PLCB1: variants seen among roughly 807,000 people sequenced by gnomAD.
The protein encoded by PLCB1 is 1-phosphatidylinositol 4,5-bisphosphate phosphodiesterase beta-1.
Under a neutral mutation model 161.8 loss-of-function variants are expected in PLCB1, and 46 were observed. The ratio of observed to expected loss-of-function variants is 0.28; its 90% confidence interval spans 0.22 to 0.36. PLCB1 has a LOEUF of 0.36. Among genes scored for constraint, PLCB1 ranks in the 10% least tolerant of loss-of-function variants. The pLI, the probability that PLCB1 is intolerant of heterozygous loss-of-function variation, is 1.00. For missense variants in PLCB1, 1,016 were observed against 1,472.5 expected (o/e 0.69, Z 5.07); for synonymous variants, 517 against 503.7 (o/e 1.03, Z -0.35).
At chr20:8,644,727 C>T (rs1234117198) in intron 4 of PLCB1, among the ~76,000 whole-genome samples, 2 of 148,426 alleles carry the variant, frequency 1.3e-5, no homozygotes, top group Non-Finnish European at 3.0e-5. Context: ...CCCCGCCCTG[C>T]CAGCCGCCCC....
chr20:8,740,940 T>C (rs1225296732), intron 22 of PLCB1, among the ~76,000 whole-genome samples: 1 of 152,232 alleles, frequency 6.6e-6, no homozygotes, highest in Non-Finnish European at 1.5e-5. Context: ...CATCCAAAGC[T>C]GGCAGCCATA....
chr20:8,443,082 C>T (rs1028309284), intron 3 of PLCB1, among the ~76,000 whole-genome samples: 5 of 151,354 alleles, frequency 3.3e-5, no homozygotes, highest in African/African-American at 4.9e-5. Flanking sequence ...TGGGTTCAAG[C>T]GATTCTCCTG....
chr20:8,247,677 A>G (rs1264624816), intron 2 of PLCB1, among the ~76,000 whole-genome samples: 1 of 151,300 alleles, frequency 6.6e-6, no homozygotes, highest in African/African-American at 2.4e-5. Context: ...CTTTTGCCTA[A>G]TACCTGGAAC....
At chr20:8,804,621 T>C (rs1984438625) in intron 31 of PLCB1, among the ~76,000 whole-genome samples, 1 of 152,172 alleles carries the variant, frequency 6.6e-6, no homozygotes, top group African/African-American at 2.4e-5. Context: ...CCCAAATGTT[T>C]TTTGCATTCT....
At chr20:8,876,425 AT>A (rs1289663365) in intron 31 of PLCB1, among the ~76,000 whole-genome samples, 1 of 151,952 alleles carries the variant, frequency 6.6e-6, no homozygotes. Flanking sequence ...TCCTGTGGTG[AT>A]TTTTTTTCCA....
chr20:8,578,212 C>T (rs1986734210), intron 3 of PLCB1, among the ~76,000 whole-genome samples: 1 of 152,170 alleles, frequency 6.6e-6, no homozygotes, highest in African/African-American at 2.4e-5. Context: ...ATATACCTGC[C>T]ATTAATTAAT....
At chr20:8,432,545 G>T (rs1462485995) in intron 3 of PLCB1, among the ~76,000 whole-genome samples, 1 of 152,164 alleles carries the variant, frequency 6.6e-6, no homozygotes, top group Non-Finnish European at 1.5e-5. Flanking sequence ...GGGAGTGGGG[G>T]AGAAAATTCT....
intron 3 of PLCB1, among the ~76,000 whole-genome samples, chr20:8,589,180 G>A (rs138633081): frequency 1.8e-4 from 26 of 145,516 alleles, no homozygotes; most frequent in East Asian, 1.4e-3. Context: ...TAGACAGAAC[G>A]AAGACATGAA....
intron 3 of PLCB1, among the ~76,000 whole-genome samples, chr20:8,556,474 T>G (rs1450884916): frequency 6.6e-6 from 1 of 152,060 alleles, no homozygotes; most frequent in Non-Finnish European, 1.5e-5. Context: ...ATAATTGCTT[T>G]GAAAAAGATT....
intron 26 of PLCB1, among the ~76,000 whole-genome samples, chr20:8,772,823 C>T (rs982780776): frequency 5.3e-5 from 8 of 151,854 alleles, no homozygotes; most frequent in African/African-American, 1.9e-4. Flanking sequence ...ATCCCAGCTA[C>T]GGAGGCTGAG....
At chr20:8,448,801 AG>A (rs1980948712) in intron 3 of PLCB1, among the ~76,000 whole-genome samples, 1 of 152,222 alleles carries the variant, frequency 6.6e-6, no homozygotes, top group Non-Finnish European at 1.5e-5. Flanking sequence ...CAAAAAGTAA[AG>A]GATTGCATCC....
At position 8,882,770 on chromosome 20, in the gene PLCB1, AT is replaced by A. The variant is rs896488480; in HGVS notation, c.*924del. 6.6e-6 allele frequency: 1 copy of A among 152,228 alleles called. No individual in the cohort carries two copies. The highest frequency in any genetic ancestry group is 2.4e-5 in the African/African-American group (1 of 41,454). The allele number at this position is 152,228 out of a possible 1,614,324, so 9.4% of individuals were successfully genotyped here. On this transcript the variant is annotated 3_prime_UTR_variant, in exon 32 of 32. Transcript: ENST00000338037. Reference sequence around the variant, plus strand: ...TGCCGTTTGACATTTTTTATGGTTCATTTATTTTTAATATAGAGAGGAAGAT... The same window carrying A: ...TGCCGTTTGACATTTTTTATGGTTCATTATTTTTAATATAGAGAGGAAGAT...
intron 2 of PLCB1, among the ~76,000 whole-genome samples, chr20:8,192,371 T>C (rs2051979059): frequency 6.6e-6 from 1 of 151,946 alleles, no homozygotes; most frequent in South Asian, 2.1e-4. Flanking sequence ...TGCAGACTGC[T>C]AAAAGGTGGG....
chr20:8,732,530 A>G (rs1980307896), intron 18 of PLCB1, among the ~76,000 whole-genome samples: 1 of 147,116 alleles, frequency 6.8e-6, no homozygotes, highest in Non-Finnish European at 1.5e-5. Flanking sequence ...ATTCTAATAT[A>G]TTGTATTAGA....
intron 2 of PLCB1, among the ~76,000 whole-genome samples, chr20:8,161,877 G>C (rs986626063): frequency 6.6e-6 from 1 of 151,376 alleles, no homozygotes; most frequent in African/African-American, 2.4e-5. Context: ...AATTAATTCA[G>C]TAAACTTCCT....
intron 2 of PLCB1, among the ~76,000 whole-genome samples, chr20:8,167,121 G>A (rs1391125193): frequency 1.3e-5 from 2 of 152,072 alleles, no homozygotes; most frequent in African/African-American, 4.8e-5. Flanking sequence ...CTTCATCACT[G>A]AACACAGATT....
intron 7 of PLCB1, 146 bp from the exon 8 acceptor site, chr20:8,657,038 G>C: frequency 1.7e-6 from 1 of 603,884 alleles, no homozygotes; most frequent in Non-Finnish European, 3.0e-6. Context: ...TAGAAGAAAA[G>C]GAAAAAGAAA....
intron 2 of PLCB1, among the ~76,000 whole-genome samples, chr20:8,231,734 TGC>T (rs1980050450): frequency 0.019 from 1 of 52 alleles, no homozygotes; most frequent in Non-Finnish European, 0.036. Flanking sequence ...GAGAGCCCTG[TGC>T]AGGGCAGTCA....
intron 10 of PLCB1, among the ~76,000 whole-genome samples, chr20:8,688,170 T>G (rs1052587907): frequency 7.2e-5 from 11 of 152,226 alleles, no homozygotes; most frequent in African/African-American, 2.7e-4. Context: ...TTAGCCCACT[T>G]TTTGATGGAA....
Sources: allele counts gnomAD v4.1 joint callset (sites outside exome capture counted in the v4.1 genomes callset), GRCh38; gene constraint gnomAD v4.1.1; transcripts MANE v1.5; gene names NCBI Gene and HGNC (gene_info 2026-07-23, HGNC 2026-07-21).